The following HAO1 variants were observed in gnomAD, a reference collection of about 807,000 sequenced individuals.
HAO1 encodes 2-Hydroxyacid oxidase 1.
HAO1 carries 34 observed loss-of-function variants against 39.7 expected under a neutral mutation model. The ratio of observed to expected loss-of-function variants is 0.86; its 90% CI spans 0.65 to 1.14. The LOEUF is 1.14. Ranked by LOEUF, HAO1 falls within the 50% of genes most tolerant of loss-of-function variation. The pLI is 0.00. For missense variants in HAO1, 479 were observed against 464.5 expected (o/e 1.03, Z -0.29); for synonymous variants, 172 against 173.2 (o/e 0.99, Z 0.05).
intron 2 of HAO1, among the ~76,000 whole-genome samples, chr20:7,919,029 C>T (rs968551303): frequency 1.2e-4 from 19 of 152,156 alleles, no homozygotes; most frequent in Non-Finnish European, 2.1e-4. Flanking sequence ...ACGGAAGATT[C>T]CAATGATATG....
In HAO1 at chr20:7,933,299, T is replaced by C. The variant is rs149761566; in HGVS notation, c.289+1185A>G. On this transcript the variant is annotated intron_variant, in intron 2 of 7. Coordinates refer to ENST00000378789, the MANE Select transcript of HAO1 (RefSeq NM_017545.3). ...GTTTACCATTTACTTTTTATTTTCA[T>C]TGAGATTTAAGAGCACTAAAGTTTT... 3.5e-3 allele frequency among the ~76,000 whole-genome samples: 530 copies of C among 152,292 alleles called. 1 individual carries two copies. The highest frequency in any genetic ancestry group is 6.8e-3 in the Admixed American group (104 of 15,298).
chr20:7,915,773 G>GA (rs1264521305), intron 2 of HAO1, among the ~76,000 whole-genome samples: 1 of 152,050 alleles, frequency 6.6e-6, no homozygotes, highest in Non-Finnish European at 1.5e-5. Flanking sequence ...ATTAAGGAAA[G>GA]AAAAAAGTTT....
chr20:7,937,864 C>T (rs2050420532), intron 1 of HAO1, among the ~76,000 whole-genome samples: 2 of 152,104 alleles, frequency 1.3e-5, no homozygotes, highest in East Asian at 3.8e-4. Context: ...TCCTTTTAAA[C>T]ATTTTTTTCT....
At chr20:7,918,463 T>C (rs2050316724) in intron 2 of HAO1, among the ~76,000 whole-genome samples, 1 of 151,880 alleles carries the variant, frequency 6.6e-6, no homozygotes, top group South Asian at 2.1e-4. Context: ...TACACTCCAA[T>C]TGGTAAATAG....
intron 5 of HAO1, among the ~76,000 whole-genome samples, chr20:7,888,959 A>G (rs1488609250): frequency 1.3e-5 from 2 of 152,130 alleles, no homozygotes; most frequent in African/African-American, 4.8e-5. Flanking sequence ...AGCTCATCCT[A>G]TGACAGCCTC....
chr20:7,923,893 T>C (rs897971337), intron 2 of HAO1, among the ~76,000 whole-genome samples: 3 of 152,080 alleles, frequency 2.0e-5, no homozygotes, highest in Non-Finnish European at 4.4e-5. Context: ...TAGTAGAATA[T>C]GTGTGATGTC....
intron 5 of HAO1, among the ~76,000 whole-genome samples, chr20:7,887,564 T>A (rs2050156308): frequency 6.6e-6 from 1 of 152,154 alleles, no homozygotes; most frequent in Admixed American, 6.5e-5. Context: ...CCTTTTCCTA[T>A]ACATAGCCCT....
chr20:7,887,209 G>A (rs1241555410), intron 5 of HAO1, among the ~76,000 whole-genome samples: 1 of 152,134 alleles, frequency 6.6e-6, no homozygotes, highest in African/African-American at 2.4e-5. Flanking sequence ...GTGAGCTAGA[G>A]GTCAAAATCT....
chr20:7,932,508 A>C (rs2050390417), intron 2 of HAO1, among the ~76,000 whole-genome samples: 1 of 152,212 alleles, frequency 6.6e-6, no homozygotes, highest in African/African-American at 2.4e-5. Flanking sequence ...AGGTTGAGCC[A>C]AAAATCAGAA....
chr20:7,906,253 A>G lies in HAO1; in HGVS notation c.622T>C (p.Tyr208His), dbSNP rs758959165. Reference protein sequence around the residue: ...NFGDDSGLAAYVAKAIDPSIS... With the variant: ...NFGDDSGLAAHVAKAIDPSIS... Reference sequence around the variant, plus strand: ...GATGGGTCTATTGCTTTAGCCACATATGCAGCAAGTCCACTGTCGTCTCCA... The same window carrying G: ...GATGGGTCTATTGCTTTAGCCACATGTGCAGCAAGTCCACTGTCGTCTCCA... Residue 208 changes from tyrosine to histidine, a missense_variant, in exon 4 of 8, where the codon TAT (tyrosine) becomes CAT (histidine). Coordinates refer to ENST00000378789, the MANE Select transcript of HAO1 (RefSeq NM_017545.3). 14 of 1,612,024 alleles carry G rather than the reference A, an allele frequency of 8.7e-6. No homozygotes were observed. In the Admixed American group the frequency reaches 2.0e-4, roughly 23 times the overall value.
At chr20:7,904,118 C>A (rs1206719550) in intron 4 of HAO1, among the ~76,000 whole-genome samples, 7 of 152,014 alleles carry the variant, frequency 4.6e-5, no homozygotes, top group Non-Finnish European at 1.0e-4. Context: ...AATTATGGAA[C>A]AAGACTAAAA....
intron 6 of HAO1, 33 bp downstream of exon 6, chr20:7,885,673 C>T: frequency 6.3e-7 from 1 of 1,589,324 alleles, no homozygotes; most frequent in Non-Finnish European, 8.6e-7. Context: ...GTCAAGTTGT[C>T]TATTTTATAT....
chr20:7,926,287 C>T (rs1317101051), intron 2 of HAO1, among the ~76,000 whole-genome samples: 1 of 152,108 alleles, frequency 6.6e-6, no homozygotes, highest in Non-Finnish European at 1.5e-5. Context: ...AAGGATTAAT[C>T]ACAAGAACGT....
intron 2 of HAO1, among the ~76,000 whole-genome samples, chr20:7,933,991 T>C (rs2050398257): frequency 1.3e-5 from 2 of 152,204 alleles, no homozygotes; most frequent in African/African-American, 4.8e-5. Flanking sequence ...ATTTGCAATT[T>C]GGCTGTGAGA....
At chr20:7,923,598 C>A (rs2050344611) in intron 2 of HAO1, among the ~76,000 whole-genome samples, 1 of 152,110 alleles carries the variant, frequency 6.6e-6, no homozygotes, top group Admixed American at 6.6e-5. Flanking sequence ...CAGAAGGGAA[C>A]AATATCCATC....
chr20:7,918,614 G>A (rs1254417445), intron 2 of HAO1, among the ~76,000 whole-genome samples: 1 of 152,176 alleles, frequency 6.6e-6, no homozygotes, highest in Non-Finnish European at 1.5e-5. Context: ...AGTGCCGGCA[G>A]AGCGGGGGGC....
Position 7,914,388 on chromosome 20 carries a change from C to G in HAO1, c.321G>C (p.Leu107Phe). ...CAATTGAGGAGGTGGCCCAGGAACT[C>G]AACATCATGCCCGTTCCCAGGGACT... ...ACQSLGTGMM[L>F]SSWATSSIEE... The change falls in exon 3 of 8, where the codon TTG becomes TTC. Residue 107 changes from leucine (L) to phenylalanine (F), a missense_variant. By Grantham distance (22) the Leu-to-Phe change is conservative (BLOSUM62 0). Transcript: ENST00000378789. 6.2e-7 allele frequency: 1 copy of G among 1,613,890 alleles called. No homozygotes were observed. The highest frequency in any genetic ancestry group is 2.2e-5 in the East Asian group (1 of 44,804).
At chr20:7,918,736 C>G (rs943612981) in intron 2 of HAO1, among the ~76,000 whole-genome samples, 5 of 152,114 alleles carry the variant, frequency 3.3e-5, no homozygotes. Flanking sequence ...AATGATAAAC[C>G]CTTTGAGTTC....
rs147055893 is a variant in HAO1 at position 7,890,375 on chromosome 20, G to A, written c.814-4511C>T. ...ATTACAGATGCCAACCACCATGCCC[G>A]GCTAATTTTTGTGTATTTAGTAGAA... On this transcript the variant is annotated intron_variant, in intron 5 of 7. Transcript: ENST00000378789. Among the ~76,000 whole-genome samples, 83 of 151,846 alleles carry A rather than the reference G, an allele frequency of 5.5e-4. No homozygotes were observed. In the East Asian group the frequency reaches 0.013, roughly 25 times the overall value.
Sources: gnomAD v4.1 joint callset for allele counts (sites outside exome capture counted in the v4.1 genomes callset) on GRCh38, gnomAD v4.1.1 for gene constraint, MANE v1.5 for transcripts, NCBI Gene and HGNC (gene_info 2026-07-23, HGNC 2026-07-21) for gene names.